Variants in DNAJC7 observed in about 807,000 individuals in gnomAD.
DNAJC7 encodes the protein DnaJ heat shock protein family (Hsp40) member C7, also known as dnaJ homolog subfamily C member 7.
Under a neutral mutation model 67.4 loss-of-function variants are expected in DNAJC7, and 18 were observed. The ratio of observed to expected loss-of-function variants is 0.27; its 90% CI spans 0.18 to 0.40. The LOEUF (loss-of-function observed/expected upper bound fraction) is 0.40. Among genes scored for constraint, DNAJC7 ranks in the 10% least tolerant of loss-of-function variants. DNAJC7 has a pLI of 1.00. For missense variants in DNAJC7, 419 were observed against 613.8 expected (o/e 0.68, Z 3.35); for synonymous variants, 220 against 207.8 (o/e 1.06, Z -0.50).
At chr17:41,995,182 C>A (rs1207585112) in intron 4 of DNAJC7, among the ~76,000 whole-genome samples, 1 of 152,126 alleles carries the variant, frequency 6.6e-6, no homozygotes, top group Non-Finnish European at 1.5e-5. Context: ...AGAGGTGGTA[C>A]TCGACCTCTC....
At chr17:41,994,219 C>T (rs528447171) in intron 5 of DNAJC7, among the ~76,000 whole-genome samples, 2 of 151,888 alleles carry the variant, frequency 1.3e-5, no homozygotes, top group South Asian at 4.2e-4. Context: ...GCCTATAATC[C>T]CAGCTACTCA....
rs182333111 is a variant in DNAJC7 at position 41,977,653 on chromosome 17, C to A, written c.1385-330G>T. 2.3e-5 allele frequency: 5 copies of A among 219,912 alleles called. No homozygotes were observed. In the East Asian group the frequency reaches 5.5e-4, roughly 24 times the overall value. 13.6% of individuals were successfully genotyped at this position (219,912 alleles called of 1,614,324 possible). ...ACACAAGACTTTCCCCATACTCTGT[C>A]TCCCTATAATGCTGGAGCGGCTACT... is the stretch of plus-strand genomic sequence containing the variant. On this transcript the variant is annotated intron_variant, in intron 12 of 13. Transcript: ENST00000457167.
rs116160290 is a variant in DNAJC7 at position 41,983,662 on chromosome 17, A to G, written c.1011-26T>C. Reference sequence around the variant, plus strand: ...CTGAGAAGGAAATACAAGGCAATACAGCACTAAGACATAAATAGCAGTGGT... The same window carrying G: ...CTGAGAAGGAAATACAAGGCAATACGGCACTAAGACATAAATAGCAGTGGT... On this transcript the variant is annotated intron_variant, in intron 9 of 13. Coordinates refer to ENST00000457167, the MANE Select transcript of DNAJC7 (RefSeq NM_003315.4). 775 of 1,585,188 alleles carry G rather than the reference A, an allele frequency of 4.9e-4. 5 individuals are homozygous for G. In the African/African-American group the frequency reaches 9.6e-3, roughly 20 times the overall value.
At chr17:42,002,755 A>T in intron 1 of DNAJC7, among the ~76,000 whole-genome samples, 1 of 152,204 alleles carries the variant, frequency 6.6e-6, no homozygotes, top group East Asian at 1.9e-4. Context: ...TATTTTGAAA[A>T]TTAGTCTGTA....
At chr17:41,991,167 A>G (rs2051503433) in intron 5 of DNAJC7, among the ~76,000 whole-genome samples, 1 of 152,210 alleles carries the variant, frequency 6.6e-6, no homozygotes, top group African/African-American at 2.4e-5. Context: ...GTTTTGGTTT[A>G]GCTGCTATTT....
chr17:41,982,460 G>C, intron 10 of DNAJC7, 59 bp from the exon 11 acceptor site: 1 of 1,593,178 alleles, frequency 6.3e-7, no homozygotes, highest in Non-Finnish European at 8.6e-7. Flanking sequence ...TCCTCACCAG[G>C]TCTCAGCCCA....
intron 13 of DNAJC7, chr17:41,976,986 T>A: frequency 1.6e-6 from 1 of 644,212 alleles, no homozygotes; most frequent in South Asian, 2.0e-5. Flanking sequence ...ATCTATATAG[T>A]ACCTTTGCTC....
At chr17:42,004,760 G>A (rs1385890811) in intron 1 of DNAJC7, among the ~76,000 whole-genome samples, 18 of 152,248 alleles carry the variant, frequency 1.2e-4, no homozygotes, top group African/African-American at 4.1e-4. Context: ...AATGTCTCAC[G>A]CCTGTAATCC....
At chr17:41,989,679 C>G in intron 6 of DNAJC7, 122 bp from the exon 7 acceptor site, 3 of 1,307,456 alleles carry the variant, frequency 2.3e-6, no homozygotes, top group Non-Finnish European at 2.1e-6. Flanking sequence ...CAAAGGTAGA[C>G]AGATTCCCAA....
At chr17:42,013,416 C>G (rs552718494) in intron 1 of DNAJC7, 1 of 152,212 alleles carries the variant, frequency 6.6e-6, no homozygotes, top group Non-Finnish European at 1.5e-5. Context: ...ATTTTGCCCC[C>G]CTATGGGACT....
intron 2 of DNAJC7, among the ~76,000 whole-genome samples, chr17:41,999,841 T>TG (rs529610449): frequency 4.5e-4 from 68 of 150,094 alleles, no homozygotes; most frequent in African/African-American, 1.7e-3. Context: ...CTTTTTGAGA[T>TG]GAAGTCTTGC....
At chr17:42,010,702 G>A (rs1023958309) in intron 1 of DNAJC7, among the ~76,000 whole-genome samples, 3 of 152,108 alleles carry the variant, frequency 2.0e-5, no homozygotes, top group Non-Finnish European at 2.9e-5. Context: ...CCAAAAACAA[G>A]AGAGGGTCCT....
At chr17:42,000,816 CT>C (rs1391292907) in intron 1 of DNAJC7, 9 of 293,956 alleles carry the variant, frequency 3.1e-5, no homozygotes, top group Non-Finnish European at 5.7e-5. Flanking sequence ...AAGAAAACCC[CT>C]CTTATGTTCC....
chr17:41,982,735 GATCAC>G (rs1391155034), intron 10 of DNAJC7, among the ~76,000 whole-genome samples: 1 of 152,126 alleles, frequency 6.6e-6, no homozygotes, highest in Non-Finnish European at 1.5e-5. Context: ...TGACAGAATG[GATCAC>G]CCGAGGTCAG....
intron 2 of DNAJC7, among the ~76,000 whole-genome samples, chr17:41,999,669 C>T (rs2051754831): frequency 1.3e-5 from 2 of 151,826 alleles, no homozygotes; most frequent in African/African-American, 4.8e-5. Flanking sequence ...TACAGGCACG[C>T]ACCACCACAC....
At chr17:41,987,243 C>A (rs1215708937) in intron 9 of DNAJC7, among the ~76,000 whole-genome samples, 1 of 151,920 alleles carries the variant, frequency 6.6e-6, no homozygotes, top group African/African-American at 2.4e-5. Context: ...ACACAGAGTG[C>A]CCTCCACTCA....
At chr17:42,013,634 G>A (rs1379770701) in intron 1 of DNAJC7, 1 of 152,248 alleles carries the variant, frequency 6.6e-6, no homozygotes, top group Non-Finnish European at 1.5e-5. Flanking sequence ...ATTTGTAAGG[G>A]ATGCCCCTAT....
Position 41,996,367 on chromosome 17 carries a change from G to C in DNAJC7, c.349C>G (p.Arg117Gly). The C allele has an allele frequency of 3.7e-6, 6 of 1,613,964 alleles. No individual in the cohort carries two copies. The highest frequency in any genetic ancestry group is 5.1e-6 in the Non-Finnish European group (6 of 1,179,894). The change falls in exon 4 of 14, where the codon CGC becomes GGC. Residue 117 changes from arginine to glycine, a missense_variant. Transcript: ENST00000457167. ...LSLGNAMAAC[R>G]SFQRALELDH... The stretch of plus-strand genomic sequence containing the variant: ...AGTTCTAGGGCTCTCTGGAAGCTGC[G>C]ACATGCTGCCATGGCATTCCCCAGA...
At chr17:41,978,705 AAAAATAAAAAT>A (rs1336108276) in intron 12 of DNAJC7, among the ~76,000 whole-genome samples, 5 of 152,096 alleles carry the variant, frequency 3.3e-5, no homozygotes, top group African/African-American at 9.7e-5. Flanking sequence ...TAAAAAAAAT[AAAAATAAAAAT>A]AAAATAAAAT....
Sources: allele counts gnomAD v4.1 joint callset (sites outside exome capture counted in the v4.1 genomes callset), GRCh38; gene constraint gnomAD v4.1.1; transcripts MANE v1.5; gene names NCBI Gene and HGNC (gene_info 2026-07-23, HGNC 2026-07-21).